Variants in HOMER1 observed in about 807,000 individuals in gnomAD.
HOMER1 encodes the protein homer scaffold protein 1.
In HOMER1, 3 loss-of-function variants were observed where a neutral mutation model predicts 48.9. The ratio of observed to expected loss-of-function variants is 0.06; its 90% CI spans 0.03 to 0.16. The LOEUF (loss-of-function observed/expected upper bound fraction) is 0.16, where lower values mean the gene tolerates loss of function less well. Among genes scored for constraint, HOMER1 ranks in the 10% least tolerant of loss-of-function variants. The pLI is 1.00. For missense variants in HOMER1, 247 were observed against 411.4 expected (o/e 0.60, Z 3.46); for synonymous variants, 134 against 146.4 (o/e 0.92, Z 0.61).
intron 2 of HOMER1, among the ~76,000 whole-genome samples, chr5:79,455,506 C>T (rs148196115): frequency 2.0e-5 from 3 of 152,238 alleles, no homozygotes; most frequent in Admixed American, 6.5e-5. Context: ...CCTTCTGCCA[C>T]GATTGTAAGT....
chr5:79,406,980 G>A (rs913392534), intron 5 of HOMER1, among the ~76,000 whole-genome samples: 1 of 152,184 alleles, frequency 6.6e-6, no homozygotes, highest in Non-Finnish European at 1.5e-5. Flanking sequence ...GCCTTCCACT[G>A]CAGGAAGGTC....
chr5:79,438,896 G>T, intron 5 of HOMER1, 114 bp downstream of exon 5: 191 of 498,864 alleles, frequency 3.8e-4, no homozygotes, highest in Non-Finnish European at 5.1e-4. Context: ...AAAAAAAAAA[G>T]TCAAAGTCAA....
intron 5 of HOMER1, among the ~76,000 whole-genome samples, chr5:79,404,331 T>C (rs1472849641): frequency 6.6e-6 from 1 of 152,248 alleles, no homozygotes; most frequent in East Asian, 1.9e-4. Flanking sequence ...ATGTGGGTTT[T>C]ATTTTATAGT....
At chr5:79,395,316 C>T (rs1417130305) in intron 8 of HOMER1, among the ~76,000 whole-genome samples, 1 of 152,178 alleles carries the variant, frequency 6.6e-6, no homozygotes, top group African/African-American at 2.4e-5. Context: ...TTAAGTTCTA[C>T]ATCAGGATTT....
At chr5:79,466,065 T>C (rs1472387195) in intron 1 of HOMER1, among the ~76,000 whole-genome samples, 2 of 152,168 alleles carry the variant, frequency 1.3e-5, no homozygotes, top group Admixed American at 1.3e-4. Context: ...AATGCACATT[T>C]AAGCAACATC....
rs1752980783 is a variant in HOMER1 at position 79,512,915 on chromosome 5, T to C, written c.-141A>G. On this transcript the variant is annotated 5_prime_UTR_variant, in exon 1 of 9. Transcript: ENST00000334082. ...TTGTCCGGAGGTATTTCAAGGATGC[T>C]GCCAATTCAATTAGTTCTCTTAGGT... 1.1e-5 allele frequency: 8 copies of C among 736,256 alleles called. No homozygotes were observed. In the East Asian group the frequency reaches 1.8e-4, roughly 16 times the overall value. 45.6% of individuals were successfully genotyped at this position (736,256 alleles called of 1,614,324 possible). A position where few individuals can be genotyped will look rare whatever the true frequency, so the allele number is the denominator to read the frequency against.
intron 1 of HOMER1, among the ~76,000 whole-genome samples, chr5:79,490,352 A>G (rs1247117109): frequency 1.3e-5 from 2 of 152,208 alleles, no homozygotes; most frequent in Non-Finnish European, 2.9e-5. Context: ...CCTGACCTTA[A>G]AGTTTCCCAT....
intron 8 of HOMER1, among the ~76,000 whole-genome samples, chr5:79,384,674 A>G (rs762852094): frequency 9.9e-5 from 15 of 152,122 alleles, no homozygotes; most frequent in Non-Finnish European, 1.6e-4. Flanking sequence ...GATACCAAAA[A>G]CCAGACAAAG....
intron 5 of HOMER1, among the ~76,000 whole-genome samples, chr5:79,425,197 A>T (rs902820283): frequency 6.6e-6 from 1 of 151,990 alleles, no homozygotes; most frequent in Non-Finnish European, 1.5e-5. Flanking sequence ...TTCCAAAACT[A>T]AAGATGATCA....
chr5:79,467,404 A>C (rs1458075065), intron 1 of HOMER1, among the ~76,000 whole-genome samples: 5 of 151,300 alleles, frequency 3.3e-5, no homozygotes, highest in African/African-American at 1.2e-4. Context: ...AAAAAAAAAA[A>C]AAAAAAAAAC....
At chr5:79,384,589 CTCTT>C (rs1452521358) in intron 8 of HOMER1, among the ~76,000 whole-genome samples, 1 of 152,158 alleles carries the variant, frequency 6.6e-6, no homozygotes. Context: ...AATACCAATC[CTCTT>C]CAAACTATTC....
intron 1 of HOMER1, among the ~76,000 whole-genome samples, chr5:79,460,379 G>A (rs930413032): frequency 2.0e-5 from 3 of 152,316 alleles, no homozygotes; most frequent in East Asian, 3.9e-4. Context: ...AGTAAGCCAA[G>A]ATCATGCCAC....
intron 6 of HOMER1, among the ~76,000 whole-genome samples, chr5:79,398,308 T>TATACAC (rs1554057266): frequency 6.7e-6 from 1 of 149,460 alleles, no homozygotes; most frequent in Non-Finnish European, 1.5e-5. Context: ...TCAATATAAA[T>TATACAC]ACACACACAC....
chr5:79,510,520 C>G (rs148647063), intron 1 of HOMER1: 1 of 729,990 alleles, frequency 1.4e-6, no homozygotes, highest in Non-Finnish European at 2.5e-6. Flanking sequence ...CACAAAGATA[C>G]GAATCTCTTA....
chr5:79,504,395 T>A (rs565058371), intron 1 of HOMER1, among the ~76,000 whole-genome samples: 44 of 137,582 alleles, frequency 3.2e-4, no homozygotes, highest in Admixed American at 9.8e-4. Context: ...CAGCACTGTT[T>A]TACAAAAGAA....
chr5:79,389,540 G>A (rs1441583863), intron 8 of HOMER1, among the ~76,000 whole-genome samples: 1 of 152,148 alleles, frequency 6.6e-6, no homozygotes, highest in African/African-American at 2.4e-5. Context: ...TGGGAGTAAG[G>A]TCCTTATAAA....
intron 5 of HOMER1, among the ~76,000 whole-genome samples, chr5:79,411,890 G>T (rs563366727): frequency 6.6e-6 from 1 of 152,286 alleles, no homozygotes; most frequent in South Asian, 2.1e-4. Flanking sequence ...AGGCCAAGGC[G>T]GGTGGATCAT....
At chr5:79,471,459 T>A (rs1357021996) in intron 1 of HOMER1, among the ~76,000 whole-genome samples, 2 of 144,898 alleles carry the variant, frequency 1.4e-5, no homozygotes, top group Non-Finnish European at 3.0e-5. Context: ...GGCAGGAGAA[T>A]CTCTTGAACC....
At position 79,431,258 on chromosome 5, in the gene HOMER1, G is replaced by T. The variant is rs541404429; in HGVS notation, c.527+7752C>A. On this transcript the variant is annotated intron_variant, in intron 5 of 8. Transcript: ENST00000334082. ...GAATTGCTTGAACCTGGGAAATGGA[G>T]GTTGCAGTGAGCCAAGATTGCACCA... 3.3e-5 allele frequency among the ~76,000 whole-genome samples: 5 copies of T among 152,282 alleles called. No individual in the cohort carries two copies. In the East Asian group the frequency reaches 9.7e-4, roughly 29 times the overall value.
Sources: gnomAD v4.1 joint callset for allele counts (sites outside exome capture counted in the v4.1 genomes callset) on GRCh38, gnomAD v4.1.1 for gene constraint, MANE v1.5 for transcripts, NCBI Gene and HGNC (gene_info 2026-07-23, HGNC 2026-07-21) for gene names.